Variants in GOLPH3L observed in about 807,000 individuals in gnomAD.
The protein encoded by GOLPH3L is golgi phosphoprotein 3 like.
Under a neutral mutation model 30.3 loss-of-function variants are expected in GOLPH3L, and 22 were observed. The observed-to-expected ratio is 0.73, with a 90% CI of 0.52 to 1.04. The LOEUF is 1.04. Among genes scored for constraint, GOLPH3L ranks in the 50% least tolerant of loss-of-function variants. The probability of loss-of-function intolerance (pLI) is 0.00; values close to 1 mark genes in which losing one functional copy is unlikely to be tolerated. For missense variants in GOLPH3L, 303 were observed against 345.8 expected (o/e 0.88, Z 0.98); for synonymous variants, 120 against 128.2 (o/e 0.94, Z 0.43).
At chr1:150,667,226 T>C (rs587744524) in intron 2 of GOLPH3L, among the ~76,000 whole-genome samples, 1 of 152,318 alleles carries the variant, frequency 6.6e-6, no homozygotes, top group African/African-American at 2.4e-5. Context: ...AATTTTGGTG[T>C]TTGGGGGCCC....
intron 2 of GOLPH3L, among the ~76,000 whole-genome samples, chr1:150,678,314 A>G (rs1436700377): frequency 1.3e-5 from 2 of 150,242 alleles, no homozygotes; most frequent in African/African-American, 4.9e-5. Context: ...AAAAGGACAA[A>G]TGTCCTATAA....
intron 2 of GOLPH3L, among the ~76,000 whole-genome samples, chr1:150,693,847 ATTTTTTTTTTT>A (rs66627372): frequency 1.9e-3 from 51 of 27,212 alleles, no homozygotes; most frequent in African/African-American, 7.8e-3. Context: ...ATATATATAT[ATTTTTTTTTTT>A]TTTTTTTTTT....
intron 2 of GOLPH3L, among the ~76,000 whole-genome samples, chr1:150,669,503 C>T (rs997018116): frequency 8.5e-5 from 13 of 152,102 alleles, no homozygotes; most frequent in Admixed American, 5.2e-4. Context: ...AGACCTAGCA[C>T]GTACATACTA....
intron 2 of GOLPH3L, among the ~76,000 whole-genome samples, chr1:150,679,744 G>A (rs749496495): frequency 3.3e-5 from 5 of 152,158 alleles, no homozygotes; most frequent in East Asian, 3.9e-4. Context: ...AGCCTGCAGT[G>A]AGGCATGTTC....
At chr1:150,684,049 T>C (rs1036941918) in intron 2 of GOLPH3L, among the ~76,000 whole-genome samples, 1 of 152,138 alleles carries the variant, frequency 6.6e-6, no homozygotes, top group Non-Finnish European at 1.5e-5. Context: ...TAAACCAATC[T>C]GACTGGTGTT....
At chr1:150,650,688 TC>T (rs939605014) in intron 4 of GOLPH3L, among the ~76,000 whole-genome samples, 1 of 151,716 alleles carries the variant, frequency 6.6e-6, no homozygotes, top group African/African-American at 2.4e-5. Flanking sequence ...ACCGAAACCA[TC>T]CCCCCGTCTC....
Position 150,661,861 on chromosome 1 carries a change from G to C in GOLPH3L, c.383C>G (p.Ala128Gly). 1 of 1,597,128 alleles carries C rather than the reference G, an allele frequency of 6.3e-7. No individual in the cohort carries two copies. The highest frequency in any genetic ancestry group is 8.6e-7 in the Non-Finnish European group (1 of 1,164,518). The change falls in exon 4 of 5, where the codon GCA (alanine) becomes GGA (glycine). Residue 128 changes from alanine to glycine, a missense_variant. Transcript: ENST00000271732. ...TTGGACAGTTTCTGTGGGTTCAGTT[G>C]CTTTGATGTGTTTCAGAGTTTCATC... ...LLDETLKHIK[A>G]TEPTETVQTW...
In GOLPH3L at chr1:150,646,378, A is replaced by G. The variant is rs1035029044; in HGVS notation, c.*1943T>C. The G allele has an allele frequency of 6.6e-5, 10 of 152,368 alleles. No homozygotes were observed. The highest frequency in any genetic ancestry group is 2.4e-4 in the African/African-American group (10 of 41,592). 9.4% of individuals were successfully genotyped at this position (152,368 alleles called of 1,614,324 possible). ...AAATAAACACTAAGAGTTGCAAGAA[A>G]GAACTCAATTCAACTTCTATCTCCC... is the stretch of plus-strand genomic sequence containing the variant. On this transcript the variant is annotated 3_prime_UTR_variant, in exon 5 of 5. Transcript: ENST00000271732.
intron 4 of GOLPH3L, among the ~76,000 whole-genome samples, chr1:150,658,414 AAT>A (rs1376090223): frequency 1.3e-5 from 2 of 152,212 alleles, no homozygotes; most frequent in Non-Finnish European, 2.9e-5. Flanking sequence ...CTTGGCTGGC[AAT>A]AATGCCTGGA....
intron 2 of GOLPH3L, among the ~76,000 whole-genome samples, chr1:150,673,943 G>GA (rs1332363234): frequency 1.5e-5 from 2 of 132,496 alleles, no homozygotes; most frequent in South Asian, 2.4e-4. Context: ...AAAAAAAAAA[G>GA]AAAAAAAATG....
chr1:150,648,950 G>T (rs188092421), intron 4 of GOLPH3L, among the ~76,000 whole-genome samples: 2 of 152,074 alleles, frequency 1.3e-5, no homozygotes, highest in African/African-American at 4.8e-5. Context: ...TGTCACCAAG[G>T]ACTTCCATAT....
At chr1:150,673,625 G>A (rs1650694559) in intron 2 of GOLPH3L, among the ~76,000 whole-genome samples, 1 of 151,680 alleles carries the variant, frequency 6.6e-6, no homozygotes, top group African/African-American at 2.4e-5. Context: ...AGTTGAGAAG[G>A]GGGAGCAAAA....
chr1:150,674,300 A>T (rs1006498775), intron 2 of GOLPH3L, among the ~76,000 whole-genome samples: 1 of 149,724 alleles, frequency 6.7e-6, no homozygotes, highest in East Asian at 2.0e-4. Context: ...TTTCTCTGTC[A>T]CCCAGGCTGG....
chr1:150,693,836 T>C (rs1470102650), intron 2 of GOLPH3L, among the ~76,000 whole-genome samples: 19 of 100,134 alleles, frequency 1.9e-4, no homozygotes, highest in South Asian at 3.0e-4. Context: ...TATATATATA[T>C]ATATATATAT....
chr1:150,668,413 C>T (rs182201835), intron 2 of GOLPH3L, among the ~76,000 whole-genome samples: 16 of 152,070 alleles, frequency 1.1e-4, no homozygotes, highest in African/African-American at 1.7e-4. Flanking sequence ...CACAGGGTAT[C>T]GCTCTGTCGC....
At chr1:150,659,213 AAAG>A (rs1450688658) in intron 4 of GOLPH3L, among the ~76,000 whole-genome samples, 4 of 152,230 alleles carry the variant, frequency 2.6e-5, no homozygotes, top group Non-Finnish European at 4.4e-5. Flanking sequence ...TTTGTAAAAC[AAAG>A]AAGGGGGACG....
intron 2 of GOLPH3L, among the ~76,000 whole-genome samples, chr1:150,669,681 G>GC (rs1219714087): frequency 6.6e-6 from 1 of 152,208 alleles, no homozygotes; most frequent in African/African-American, 2.4e-5. Flanking sequence ...ACATCTGTAG[G>GC]CCGGGCGCGG....
chr1:150,683,699 C>CAAAAAAAAAAAA (rs397981524), intron 2 of GOLPH3L, among the ~76,000 whole-genome samples: 1 of 14,968 alleles, frequency 6.7e-5, no homozygotes, highest in Admixed American at 1.6e-3. Context: ...GACTCTCTCT[C>CAAAAAAAAAAAA]AAAAAAAAAA....
Position 150,648,650 on chromosome 1 carries a change from T to C in GOLPH3L, c.529A>G (p.Lys177Glu), listed in dbSNP as rs1335100516. The change falls in exon 5 of 5, where the codon AAG (lysine) becomes GAG (glutamate). Residue 177 changes from lysine to glutamate, a missense_variant. By Grantham distance (56) the Lys-to-Glu change is moderately conservative. Transcript: ENST00000271732. ...ATGTCAAATAGCAGGAAATTCTGCT[T>C]CTCAGTGGTTAGAATACCTTTCTCT... is the stretch of plus-strand genomic sequence containing the variant. ...LVEKGILTTEKQNFLLFDMTT... is the reference protein window; with the variant it reads ...LVEKGILTTEEQNFLLFDMTT... 1 of 1,611,878 alleles carries C rather than the reference T, an allele frequency of 6.2e-7. No homozygotes were observed. Among genetic ancestry groups the C allele is most frequent in the African/African-American group, 1.3e-5 (1 of 74,876 alleles).
Sources: allele counts gnomAD v4.1 joint callset (sites outside exome capture counted in the v4.1 genomes callset), GRCh38; gene constraint gnomAD v4.1.1; transcripts MANE v1.5; gene names NCBI Gene and HGNC (gene_info 2026-07-23, HGNC 2026-07-21).